ZNF131: variants seen among roughly 807,000 people sequenced by gnomAD.
ZNF131 encodes zinc finger protein 131.
ZNF131 carries 7 observed loss-of-function variants against 60.0 expected under a neutral mutation model. That is an observed-to-expected ratio of 0.12 (90% CI 0.07 to 0.22). ZNF131 has a LOEUF of 0.22. Ranked by LOEUF, ZNF131 falls within the 10% of genes least tolerant of loss-of-function variation. ZNF131 has a pLI of 1.00. For missense variants in ZNF131, 493 were observed against 740.9 expected (o/e 0.67, Z 3.88); for synonymous variants, 257 against 253.2 (o/e 1.01, Z -0.14).
chr5:43,160,193 A>C lies in ZNF131; in HGVS notation c.372-1056A>C, dbSNP rs140297288. 1.5e-3 allele frequency among the ~76,000 whole-genome samples: 219 copies of C among 148,546 alleles called. 1 individual carries two copies. The highest frequency in any genetic ancestry group is 0.011 in the Middle Eastern group (3 of 268). On this transcript the variant is annotated intron_variant, in intron 4 of 6. Coordinates refer to ENST00000682664, the MANE Select transcript of ZNF131 (RefSeq NM_001330707.2). ...TCCATCTCAAAAAAACAAAACAAAAAAAAAAACAAAAAAAGAAGAAATCTG... is the reference window on the plus strand; with the variant it reads ...TCCATCTCAAAAAAACAAAACAAAACAAAAAACAAAAAAAGAAGAAATCTG...
At chr5:43,144,970 A>G (rs939010017) in intron 4 of ZNF131, among the ~76,000 whole-genome samples, 3 of 151,778 alleles carry the variant, frequency 2.0e-5, no homozygotes, top group Non-Finnish European at 2.9e-5. Context: ...AGGCACTTCT[A>G]TTATTCTGTA....
rs150057832 is a variant in ZNF131 at position 43,154,449 on chromosome 5, A to G, written c.372-6800A>G. On this transcript the variant is annotated intron_variant, in intron 4 of 6. Transcript: ENST00000682664. ...AAAAGAAGTGTCAGAAATGTCGGCA[A>G]TGGTGAAGCACCACTGATAGCCCTG... Among the ~76,000 whole-genome samples the G allele has an allele frequency of 1.5e-3, 231 of 152,188 alleles. 1 individual carries two copies. Among genetic ancestry groups the G allele is most frequent in the African/African-American group, 5.2e-3 (215 of 41,518 alleles).
At chr5:43,162,674 C>T (rs564027224) in intron 5 of ZNF131, among the ~76,000 whole-genome samples, 12 of 151,168 alleles carry the variant, frequency 7.9e-5, no homozygotes, top group South Asian at 2.1e-4. Context: ...GAGGCCGAGG[C>T]GGGTGGATAT....
intron 5 of ZNF131, among the ~76,000 whole-genome samples, chr5:43,165,524 C>A (rs183551189): frequency 1.3e-5 from 2 of 152,306 alleles, no homozygotes; most frequent in African/African-American, 4.8e-5. Flanking sequence ...GCTGCATTGT[C>A]AGTGAGCAGT....
Position 43,175,719 on chromosome 5 carries a change from T to A in ZNF131, c.*586T>A, listed in dbSNP as rs1161704388. ...GGTGGTGGCAAAATTTCTAGAATGT[T>A]AAAAAAAAAAAAAAATCCACACCCA... On this transcript the variant is annotated 3_prime_UTR_variant, in exon 7 of 7. Coordinates refer to ENST00000682664, the MANE Select transcript of ZNF131 (RefSeq NM_001330707.2). 13 of 226,046 alleles carry A rather than the reference T, an allele frequency of 5.8e-5. No individual in the cohort carries two copies. Among genetic ancestry groups the A allele is most frequent in the East Asian group, 1.2e-4 (1 of 8,088 alleles). 14.0% of individuals were successfully genotyped at this position (226,046 alleles called of 1,614,324 possible).
At chr5:43,150,655 G>A (rs111663070) in intron 4 of ZNF131, among the ~76,000 whole-genome samples, 8,651 of 152,194 alleles carry the variant, frequency 0.057, 334 homozygotes, top group South Asian at 0.13. Flanking sequence ...AGCTGGGCAC[G>A]GTGACACATG....
rs373472757 is a variant in ZNF131, at chr5:43,174,788, C to T, written c.1527C>T (p.His509=). 4.0e-5 allele frequency: 65 copies of T among 1,614,040 alleles called. No homozygotes were observed. The highest frequency in any genetic ancestry group is 5.2e-5 in the Non-Finnish European group (61 of 1,180,042). The change falls in exon 7 of 7, where the codon CAC becomes CAT. Residue 509 remains histidine, a synonymous_variant. Transcript: ENST00000682664. The part of the protein sequence containing the change: ...HPDLLQDSQV[H]DSHMSELPEQ... Reference sequence around the variant, plus strand: ...ATCTGCTCCAGGACAGCCAGGTGCACGATTCACACATGAGTGAGCTTCCAG... The same window carrying T: ...ATCTGCTCCAGGACAGCCAGGTGCATGATTCACACATGAGTGAGCTTCCAG...
chr5:43,157,133 A>C (rs1354498581), intron 4 of ZNF131, among the ~76,000 whole-genome samples: 2 of 152,192 alleles, frequency 1.3e-5, no homozygotes, highest in Non-Finnish European at 2.9e-5. Context: ...GACATCTCTC[A>C]AAGAGGGCCC....
intron 3 of ZNF131, among the ~76,000 whole-genome samples, chr5:43,128,672 A>C (rs936114796): frequency 6.6e-6 from 1 of 151,268 alleles, no homozygotes; most frequent in Non-Finnish European, 1.5e-5. Flanking sequence ...AAAAAAAAAA[A>C]AAAAACACAC....
chr5:43,146,926 T>C (rs1327086462), intron 4 of ZNF131, among the ~76,000 whole-genome samples: 3 of 152,058 alleles, frequency 2.0e-5, no homozygotes, highest in African/African-American at 4.8e-5. Context: ...TATGTATATA[T>C]ACAGTGATAC....
intron 3 of ZNF131, among the ~76,000 whole-genome samples, chr5:43,136,746 C>G (rs1243741779): frequency 2.0e-5 from 3 of 151,046 alleles, no homozygotes; most frequent in African/African-American, 2.4e-5. Context: ...CTTGGCCTCC[C>G]AAGGTGCTGG....
intron 3 of ZNF131, among the ~76,000 whole-genome samples, chr5:43,130,584 GAC>G (rs1391167165): frequency 1.3e-5 from 2 of 151,732 alleles, no homozygotes; most frequent in African/African-American, 2.4e-5. Context: ...TTTTTTTTGA[GAC>G]AGCGTTTTGC....
At chr5:43,126,178 C>T (rs1744524835) in intron 3 of ZNF131, among the ~76,000 whole-genome samples, 1 of 152,134 alleles carries the variant, frequency 6.6e-6, no homozygotes, top group Admixed American at 6.5e-5. Flanking sequence ...TCTTGGCTTC[C>T]TTATTTTTCA....
rs1579912843 is a variant in ZNF131, at chr5:43,170,109, C to T, written c.1055-3209C>T. On this transcript the variant is annotated intron_variant, in intron 5 of 6. Transcript: ENST00000682664. ...TATCAAATTGTCATTTAAGGAGAGG[C>T]TTTGCCAATTTGTTTCCAGGTCTCA... 2.0e-5 allele frequency among the ~76,000 whole-genome samples: 3 copies of T among 152,134 alleles called. No individual in the cohort carries two copies. In the East Asian group the frequency reaches 5.8e-4, roughly 29 times the overall value.
chr5:43,125,320 G>A (rs1251853319), intron 3 of ZNF131, among the ~76,000 whole-genome samples: 1 of 151,360 alleles, frequency 6.6e-6, no homozygotes, highest in African/African-American at 2.4e-5. Context: ...TTTTTTTGGA[G>A]ATAGATTTTA....
chr5:43,162,319 C>T (rs116722014), intron 5 of ZNF131, among the ~76,000 whole-genome samples: 2,379 of 152,264 alleles, frequency 0.016, 22 homozygotes, highest in Middle Eastern at 0.024. Flanking sequence ...CAGCCAGGCG[C>T]GGTGGCTCAT....
chr5:43,173,163 T>C, intron 5 of ZNF131, 155 bp from the exon 6 acceptor site: 1 of 767,330 alleles, frequency 1.3e-6, no homozygotes, highest in Non-Finnish European at 2.0e-6. Flanking sequence ...GAAAAGTCTT[T>C]GGAATATGGT....
chr5:43,121,699 C>T (rs1243879379), intron 1 of ZNF131: 2 of 159,408 alleles, frequency 1.3e-5, no homozygotes, highest in African/African-American at 4.9e-5. Flanking sequence ...GGCAGAAGGG[C>T]TTGGCGGGCC....
rs1750959823 is a variant in ZNF131 at position 43,171,275 on chromosome 5, A to G, written c.1055-2043A>G. 2.6e-5 allele frequency among the ~76,000 whole-genome samples: 4 copies of G among 152,118 alleles called. No individual in the cohort carries two copies. In the South Asian group the frequency reaches 6.2e-4, roughly 24 times the overall value. On this transcript the variant is annotated intron_variant, in intron 5 of 6. Coordinates refer to ENST00000682664, the MANE Select transcript of ZNF131 (RefSeq NM_001330707.2). ...TCCCCTCTTCTTTTATTCTAGAGAA[A>G]GAGGTTTCCCTTTTCTTCAAAGCCA...
Sources: allele counts gnomAD v4.1 joint callset (sites outside exome capture counted in the v4.1 genomes callset), GRCh38; gene constraint gnomAD v4.1.1; transcripts MANE v1.5; gene names NCBI Gene and HGNC (gene_info 2026-07-23, HGNC 2026-07-21).